C1RL: variants seen among roughly 807,000 people sequenced by gnomAD.
C1RL encodes the protein complement C1r subcomponent-like protein.
A neutral mutation model predicts 27.9 loss-of-function variants in C1RL; 27 were observed. The ratio of observed to expected loss-of-function variants is 0.97; its 90% confidence interval spans 0.71 to 1.33. C1RL has a LOEUF of 1.33. C1RL is among the 40% of genes most tolerant of loss of function. The pLI, the probability that C1RL is intolerant of heterozygous loss-of-function variation, is 0.00. For missense variants in C1RL, 563 were observed against 623.9 expected, an observed-to-expected ratio of 0.90 and a Z score of 1.04; for synonymous variants, 248 against 252.1, an observed-to-expected ratio of 0.98 and a Z score of 0.15.
chr12:7,097,189 ACAGT>A, intron 5 of C1RL, 26 bp from the exon 6 acceptor site: 1 of 1,568,206 alleles, frequency 6.4e-7, no homozygotes, highest in Middle Eastern at 1.8e-4. Flanking sequence ...GGTAGGGGTG[ACAGT>A]CAGCAGCTGC....
Position 7,096,711 on chromosome 12 carries a change from T to A in C1RL, c.1144A>T (p.Met382Leu). ...LGYVSGFGME[M>L]GWLTTELKYS... ...TTCAGCTCAGTAGTTAGCCAGCCCA[T>A]CTCCATGCCAAACCCACTGACGTAG... is the stretch of plus-strand genomic sequence containing the variant. Residue 382 changes from methionine (M) to leucine (L), a missense_variant, in exon 6 of 6, where the codon ATG (methionine) becomes TTG (leucine). Met to Leu is a conservative substitution (Grantham distance 15, BLOSUM62 2). Transcript: ENST00000266542. 3.1e-6 allele frequency: 5 copies of A among 1,613,778 alleles called. No individual in the cohort carries two copies. The highest frequency in any genetic ancestry group is 4.2e-6 in the Non-Finnish European group (5 of 1,179,878).
Position 7,103,052 on chromosome 12 carries a change from C to A in C1RL, c.301-965G>T, listed in dbSNP as rs151240480. On this transcript the variant is annotated intron_variant, in intron 2 of 5. Transcript: ENST00000266542. ...GACCATGTCATTATGATCAGAGTAA[C>A]TGGGTAAAATTTGCGATGAAGAAAA... 1.1e-4 allele frequency among the ~76,000 whole-genome samples: 16 copies of A among 152,278 alleles called. No individual in the cohort carries two copies. The East Asian group carries it at 3.1e-3, about 29-fold the overall frequency.
chr12:7,100,186 CT>C (rs1236695311), intron 3 of C1RL, among the ~76,000 whole-genome samples, 160 bp from the exon 4 acceptor site: 1 of 152,106 alleles, frequency 6.6e-6, no homozygotes, highest in Non-Finnish European at 1.5e-5. Flanking sequence ...ATTGACAACA[CT>C]CAAAGAGTTT....
At chr12:7,100,414 C>G (rs781013166) in intron 3 of C1RL, among the ~76,000 whole-genome samples, 212 of 152,294 alleles carry the variant, frequency 1.4e-3, no homozygotes, top group African/African-American at 4.5e-3. Context: ...CACAGTAGCA[C>G]CATGTGTGGC....
Position 7,099,920 on chromosome 12 carries a change from A to C in C1RL, c.597T>G (p.Tyr199Ter), listed in dbSNP as rs779844164. ...AKVQNHCQEPYYQAAAAGALT... is the reference protein window; with the variant it reads ...AKVQNHCQEP ...ACTCACCTGCTGCCGCGGCCTGATA[A>C]TAGGGCTCCTGGCAGTGGTTCTGGA... Residue 199 changes from tyrosine to a stop codon, truncating the protein, a stop_gained, in exon 4 of 6, where the codon TAT becomes TAG. Transcript: ENST00000266542. LOFTEE classifies it high-confidence loss of function. 6.2e-7 allele frequency: 1 copy of C among 1,614,104 alleles called. No homozygotes were observed. The highest frequency in any genetic ancestry group is 2.2e-5 in the East Asian group (1 of 44,874).
At position 7,101,982 on chromosome 12, in the gene C1RL, G is replaced by C. The variant is rs773696477; in HGVS notation, c.406C>G (p.Arg136Gly). ...GAAGGCTGTGTGCGGAAGGTCAGCC[G>C]CAAACTCCTCCCTGAGGATACAAAC... The part of the protein sequence containing the change: ...REFVSSGRSL[R>G]LTFRTQPSSE... The change falls in exon 3 of 6, where the codon CGG (arginine) becomes GGG (glycine). Residue 136 changes from arginine to glycine, a missense_variant. Transcript: ENST00000266542. 1 of 1,614,204 alleles carries C rather than the reference G, an allele frequency of 6.2e-7. No homozygotes were observed. Among genetic ancestry groups the C allele is most frequent in the Admixed American group, 1.7e-5 (1 of 60,028 alleles).
intron 5 of C1RL, among the ~76,000 whole-genome samples, chr12:7,099,041 C>CAAAAAAA (rs35402492): frequency 7.8e-6 from 1 of 127,592 alleles, no homozygotes; most frequent in East Asian, 2.2e-4. Context: ...ACTAAAAATA[C>CAAAAAAA]AAAAAAAAAA....
chr12:7,097,102 G>C lies in C1RL; in HGVS notation c.753C>G (p.Ala251=). 1 of 1,613,968 alleles carries C rather than the reference G, an allele frequency of 6.2e-7. No individual in the cohort carries two copies. The highest frequency in any genetic ancestry group is 1.7e-5 in the Admixed American group (1 of 60,008). Residue 251 remains alanine (A), a synonymous_variant, in exon 6 of 6, where the codon GCC becomes GCG. Transcript: ENST00000266542. The stretch of plus-strand genomic sequence containing the variant: ...CTTGCCAGGGGAAGTTGCCCAGCTT[G>C]GCTCTGGAAGAACCGAGGGTCGTCT... ...QNQTTLGSSR[A]KLGNFPWQAF... is the part of the protein sequence containing the mutation.
In C1RL at chr12:7,094,588, G is replaced by A. The variant is rs1407510234; in HGVS notation, c.*1803C>T. The A allele has an allele frequency of 2.2e-6, 2 of 918,434 alleles. No homozygotes were observed. Among genetic ancestry groups the A allele is most frequent in the Non-Finnish European group, 2.6e-6 (2 of 769,250 alleles). 56.9% of individuals were successfully genotyped at this position (918,434 alleles called of 1,614,324 possible). ...ATATATATTTTTTTGCCTTGGCAGG[G>A]AGAAACTCATATCATTTTTTGCAAT... On this transcript the variant is annotated 3_prime_UTR_variant, in exon 6 of 6. Transcript: ENST00000266542.
At position 7,095,440 on chromosome 12, in the gene C1RL, TAA is replaced by T. The variant is rs1938398928; in HGVS notation, c.*949_*950del. 1 of 998,668 alleles carries T rather than the reference TAA, an allele frequency of 1.0e-6. No individual in the cohort carries two copies. The highest frequency in any genetic ancestry group is 1.2e-6 in the Non-Finnish European group (1 of 837,276). 61.9% of individuals were successfully genotyped at this position (998,668 alleles called of 1,614,324 possible). A position where few individuals can be genotyped will look rare whatever the true frequency, so the allele number is the denominator to read the frequency against. Reference sequence around the variant, plus strand: ...ATCACCTCCAGGTTTTACTAAAAATTAAAGAGTTGGTCCTCTCAGGTGGAGCA... The same window carrying T: ...ATCACCTCCAGGTTTTACTAAAAATTAGAGTTGGTCCTCTCAGGTGGAGCA... On this transcript the variant is annotated 3_prime_UTR_variant, in exon 6 of 6. Coordinates refer to ENST00000266542, the MANE Select transcript of C1RL (RefSeq NM_016546.4).
In C1RL at chr12:7,102,030, C is replaced by G; in HGVS notation, c.358G>C (p.Gly120Arg). The G allele has an allele frequency of 6.2e-7, 1 of 1,614,058 alleles. No homozygotes were observed. The highest frequency in any genetic ancestry group is 8.5e-7 in the Non-Finnish European group (1 of 1,179,904). Residue 120 changes from glycine (G) to arginine (R), a missense_variant, in exon 3 of 6, where the codon GGC becomes CGC. Coordinates refer to ENST00000266542, the MANE Select transcript of C1RL (RefSeq NM_016546.4). Reference protein sequence around the residue: ...QFCGQQGSPLGRPPGQREFVS... With the variant: ...QFCGQQGSPLRRPPGQREFVS... ...AACTCCCTCTGACCAGGGGGCCTGC[C>G]CAGAGGGGAGCCTTGCTGACCACAG...
intron 3 of C1RL, 155 bp downstream of exon 3, chr12:7,101,743 T>C (rs941908904): frequency 4.8e-5 from 36 of 749,404 alleles, no homozygotes; most frequent in African/African-American, 1.4e-4. Context: ...CTTAATAGGG[T>C]TGCTTGCCAG....
chr12:7,100,277 G>A (rs947528400), intron 3 of C1RL, among the ~76,000 whole-genome samples: 7 of 152,116 alleles, frequency 4.6e-5, no homozygotes, highest in East Asian at 3.9e-4. Context: ...TAGCAAAACC[G>A]TTTTGGAGAA....
At chr12:7,098,452 T>C (rs1021360684) in intron 5 of C1RL, 3 of 152,190 alleles carry the variant, frequency 2.0e-5, no homozygotes, top group Non-Finnish European at 4.4e-5. Flanking sequence ...ATCCAGCAAG[T>C]CTACTGCTAG....
chr12:7,105,120 C>G lies in C1RL; in HGVS notation c.301-3033G>C, dbSNP rs746485927. ...TCCTCTCAGGGGAAACTGGCTGCCC[C>G]CAAATAAAATGCTTTTACATCCTGA... On this transcript the variant is annotated intron_variant, in intron 2 of 5. Coordinates refer to ENST00000266542, the MANE Select transcript of C1RL (RefSeq NM_016546.4). Among the ~76,000 whole-genome samples, 5 of 152,284 alleles carry G rather than the reference C, an allele frequency of 3.3e-5. No individual in the cohort carries two copies. The East Asian group carries it at 9.6e-4, about 29-fold the overall frequency.
rs1165594827 is a variant in C1RL, at chr12:7,096,698, G to C, written c.1157C>G (p.Thr386Ser). The C allele has an allele frequency of 6.2e-7, 1 of 1,613,958 alleles. No individual in the cohort carries two copies. The highest frequency in any genetic ancestry group is 8.5e-7 in the Non-Finnish European group (1 of 1,179,982). Residue 386 changes from threonine to serine, a missense_variant, in exon 6 of 6, where the codon ACT becomes AGT. Coordinates refer to ENST00000266542, the MANE Select transcript of C1RL (RefSeq NM_016546.4). ...CAGCCTCGAGTACTTCAGCTCAGTA[G>C]TTAGCCAGCCCATCTCCATGCCAAA... is the stretch of plus-strand genomic sequence containing the variant. The part of the protein sequence containing the change: ...SGFGMEMGWL[T>S]TELKYSRLPV...
intron 2 of C1RL, among the ~76,000 whole-genome samples, chr12:7,107,417 G>A (rs1001654536): frequency 6.6e-5 from 10 of 151,256 alleles, no homozygotes; most frequent in African/African-American, 1.5e-4. Context: ...TGCTTCTTTC[G>A]CCTCAGCCTC....
At chr12:7,106,897 A>G (rs1056116640) in intron 2 of C1RL, among the ~76,000 whole-genome samples, 1 of 152,244 alleles carries the variant, frequency 6.6e-6, no homozygotes, top group South Asian at 2.1e-4. Context: ...ACTAAAAATG[A>G]TAATATAGGT....
chr12:7,094,707 T>C lies in C1RL; in HGVS notation c.*1684A>G. ...AGTGGAAAACCAAACAGCCAAAATC[T>C]TATCAATAAAACCACCTCTGTTTAG... On this transcript the variant is annotated 3_prime_UTR_variant, in exon 6 of 6. Transcript: ENST00000266542. 2 of 982,000 alleles carry C rather than the reference T, an allele frequency of 2.0e-6. No individual in the cohort carries two copies. Among genetic ancestry groups the C allele is most frequent in the Non-Finnish European group, 2.4e-6 (2 of 826,766 alleles). The allele number at this position is 982,000 out of a possible 1,614,324, so 60.8% of individuals were successfully genotyped here. A position where few individuals can be genotyped will look rare whatever the true frequency, so the allele number is the denominator to read the frequency against.
Sources: gnomAD v4.1 joint callset for allele counts (sites outside exome capture counted in the v4.1 genomes callset) on GRCh38, gnomAD v4.1.1 for gene constraint, MANE v1.5 for transcripts, NCBI Gene and HGNC (gene_info 2026-07-23, HGNC 2026-07-21) for gene names.